The following DNAH5 variants were observed in gnomAD, a reference collection of about 807,000 sequenced individuals.
DNAH5 encodes dynein axonemal heavy chain 5.
A neutral mutation model predicts 518.2 loss-of-function variants in DNAH5; 372 were observed. That is an observed-to-expected ratio of 0.72 (90% confidence interval 0.66 to 0.78). The LOEUF (loss-of-function observed/expected upper bound fraction) is 0.78, where lower values mean the gene tolerates loss of function less well. Among genes scored for constraint, DNAH5 ranks in the 30% least tolerant of loss-of-function variants. The probability of loss-of-function intolerance (pLI) is 0.00; values close to 1 mark genes in which losing one functional copy is unlikely to be tolerated. For synonymous variants in DNAH5, 2,039 were observed against 2,025.9 expected, an observed-to-expected ratio of 1.01 and a Z score of -0.17; for missense variants, 5,523 against 5,687.0, an observed-to-expected ratio of 0.97 and a Z score of 0.93.
At chr5:13,814,399 G>A (rs1761152199) in intron 43 of DNAH5, among the ~76,000 whole-genome samples, 1 of 152,184 alleles carries the variant, frequency 6.6e-6, no homozygotes, top group Non-Finnish European at 1.5e-5. Flanking sequence ...GGAAATCCCA[G>A]TTCAAAAGTG....
At position 13,762,779 on chromosome 5, in the gene DNAH5, G is replaced by A. The variant is rs1751963683; in HGVS notation, c.10224C>T (p.Ser3408=). ...RVCGNVAGLC[S]WTKAMASFFS... Reference sequence around the variant, plus strand: ...AGAAGGAAGCCATAGCTTTCGTCCAGGAACAAAGACCAGCTACATTTCCAC... The same window carrying A: ...AGAAGGAAGCCATAGCTTTCGTCCAAGAACAAAGACCAGCTACATTTCCAC... The change falls in exon 60 of 79, where the codon TCC becomes TCT. Residue 3408 remains serine (S), a synonymous_variant. Coordinates refer to ENST00000265104, the MANE Select transcript of DNAH5 (RefSeq NM_001369.3). 6.2e-7 allele frequency: 1 copy of A among 1,614,106 alleles called. No homozygotes were observed. The highest frequency in any genetic ancestry group is 8.5e-7 in the Non-Finnish European group (1 of 1,179,992).
At position 13,829,567 on chromosome 5, in the gene DNAH5, A is replaced by T; in HGVS notation, c.6387T>A (p.Val2129=). 6.2e-7 allele frequency: 1 copy of T among 1,614,130 alleles called. No homozygotes were observed. The highest frequency in any genetic ancestry group is 8.5e-7 in the Non-Finnish European group (1 of 1,180,018). ...LASCGFIDNV[V]LARKFFTLYK... is the part of the protein sequence containing the mutation. ...AGAGCGTGAAAAACTTCCTGGCCAA[A>T]ACAACGTTGTCAATGAAGCCACAAC... Residue 2129 remains valine (V), a synonymous_variant, in exon 38 of 79, where the codon GTT becomes GTA. Transcript: ENST00000265104.
intron 35 of DNAH5, among the ~76,000 whole-genome samples, chr5:13,835,445 A>C (rs1366305452): frequency 6.6e-6 from 1 of 152,164 alleles, no homozygotes; most frequent in Non-Finnish European, 1.5e-5. Flanking sequence ...TTTGATATGC[A>C]AATGCTGGTG....
intron 65 of DNAH5, among the ~76,000 whole-genome samples, chr5:13,748,919 C>T (rs114255391): frequency 0.02 from 3,082 of 151,820 alleles, 111 homozygotes; most frequent in African/African-American, 0.069. Flanking sequence ...TATCTGTGTT[C>T]ATAAGGCACA....
intron 1 of DNAH5, among the ~76,000 whole-genome samples, chr5:13,968,739 C>T (rs553988097): frequency 1.2e-4 from 18 of 152,206 alleles, no homozygotes; most frequent in Non-Finnish European, 2.1e-4. Context: ...CAGATTTTTG[C>T]ATCTATGTTA....
intron 50 of DNAH5, 62 bp from the exon 51 acceptor site, chr5:13,788,976 G>C (rs894449705): frequency 4.1e-6 from 6 of 1,455,690 alleles, no homozygotes; most frequent in Middle Eastern, 1.7e-4. Context: ...GGGAATTCAG[G>C]TTGACAGTAC....
At chr5:13,838,491 C>T (rs1306070694) in intron 35 of DNAH5, among the ~76,000 whole-genome samples, 1 of 152,118 alleles carries the variant, frequency 6.6e-6, no homozygotes, top group Non-Finnish European at 1.5e-5. Context: ...GCACGTGAAC[C>T]CTATCGTGAG....
chr5:13,950,178 C>A (rs1780268911), intron 1 of DNAH5, among the ~76,000 whole-genome samples: 2 of 152,344 alleles, frequency 1.3e-5, no homozygotes. Context: ...ATCACTTAAA[C>A]ACTGCAGTAC....
At chr5:13,763,784 T>C (rs1752105416) in intron 59 of DNAH5, among the ~76,000 whole-genome samples, 1 of 152,184 alleles carries the variant, frequency 6.6e-6, no homozygotes, top group Non-Finnish European at 1.5e-5. Context: ...GCCAGATGAA[T>C]GTCTGGGAGC....
At position 13,707,542 on chromosome 5, in the gene DNAH5, C is replaced by T. The variant is rs1013486835; in HGVS notation, c.13338+581G>A. Among the ~76,000 whole-genome samples the T allele has an allele frequency of 1.3e-5, 2 of 152,306 alleles. No individual in the cohort carries two copies. The highest frequency in any genetic ancestry group is 1.9e-4 in the East Asian group (1 of 5,170). The stretch of plus-strand genomic sequence containing the variant: ...CTGCCATGGGGTTGGAGCCCCAGAA[C>T]AGTCCCTACAACCTGCCCCTCTGCA... On this transcript the variant is annotated intron_variant, in intron 76 of 78. Transcript: ENST00000265104. This position sits in a 1 kb window ranked among gnomAD's most constrained non-coding sequence, Gnocchi z 4.0.
chr5:13,779,014 T>C (rs774040051), intron 53 of DNAH5, among the ~76,000 whole-genome samples: 8 of 152,172 alleles, frequency 5.3e-5, no homozygotes, highest in African/African-American at 1.4e-4. Context: ...AATTCCCAGA[T>C]AGATCAGAGA....
chr5:13,961,756 G>A (rs2152047542), intron 1 of DNAH5, among the ~76,000 whole-genome samples: 1 of 152,276 alleles, frequency 6.6e-6, no homozygotes, highest in Admixed American at 6.5e-5. Context: ...CCCTTGGTGA[G>A]ATGCCTCCCC....
In DNAH5 at chr5:13,739,205, A is replaced by G. The variant is rs559006904; in HGVS notation, c.11212-1710T>C. 1.1e-4 allele frequency among the ~76,000 whole-genome samples: 16 copies of G among 152,212 alleles called. 1 individual carries two copies. In the South Asian group the frequency reaches 1.7e-3, roughly 16 times the overall value. On this transcript the variant is annotated intron_variant, in intron 65 of 78. Transcript: ENST00000265104. The stretch of plus-strand genomic sequence containing the variant: ...TGATATGGTTTGGCTCTGTGCCCCC[A>G]CTCAAATCTCACCTTGAATTGTAAT...
At chr5:13,946,765 G>A (rs1779958124), upstream of DNAH5, among the ~76,000 whole-genome samples, 1 of 152,228 alleles carries the variant, frequency 6.6e-6, no homozygotes, top group African/African-American at 2.4e-5. Flanking sequence ...TGGACCTCAT[G>A]TGGGCGGAAG....
At chr5:13,754,180 C>T (rs1433135699) in intron 62 of DNAH5, 23 bp downstream of exon 62, 1 of 1,613,924 alleles carries the variant, frequency 6.2e-7, no homozygotes, top group Admixed American at 1.7e-5. Flanking sequence ...CACACAATCT[C>T]ATTAATAAAG....
rs752622622 is a variant in DNAH5 at position 13,717,481 on chromosome 5, T to C, written c.12539A>G (p.Gln4180Arg). 3.1e-6 allele frequency: 5 copies of C among 1,614,176 alleles called. No homozygotes were observed. The South Asian group carries it at 4.4e-5, about 14-fold the overall frequency. The change falls in exon 73 of 79, where the codon CAG (glutamine) becomes CGG (arginine). Residue 4180 changes from glutamine (Q) to arginine (R), a missense_variant. Transcript: ENST00000265104. ...QDLLDVSSGS[Q>R]WKPMLYAVAF... ...CACTGCGTACAGCATGGGCTTCCAC[T>C]GGGACCCAGAGCTCACGTCCAGCAG...
intron 1 of DNAH5, among the ~76,000 whole-genome samples, chr5:13,987,375 T>C (rs542825837): frequency 6.6e-6 from 1 of 151,966 alleles, no homozygotes; most frequent in African/African-American, 2.4e-5. Flanking sequence ...AAATGTAATA[T>C]ATACTAAATT....
chr5:13,821,528 A>C (rs962352732), intron 40 of DNAH5, among the ~76,000 whole-genome samples: 20 of 152,306 alleles, frequency 1.3e-4, no homozygotes, highest in Admixed American at 5.9e-4. Context: ...CTTGAAGCAG[A>C]GTGACTAAGC....
chr5:13,710,622 G>T (rs1743361688), intron 75 of DNAH5, among the ~76,000 whole-genome samples: 1 of 152,114 alleles, frequency 6.6e-6, no homozygotes, highest in East Asian at 1.9e-4. Context: ...CCATTAGCAA[G>T]ATTCACCAAG....
Sources: allele counts gnomAD v4.1 joint callset (sites outside exome capture counted in the v4.1 genomes callset), GRCh38; gene constraint gnomAD v4.1.1; non-coding constraint Gnocchi (gnomAD v3.1); transcripts MANE v1.5; gene names NCBI Gene and HGNC (gene_info 2026-07-23, HGNC 2026-07-21).